KALRN: variants seen among roughly 807,000 people sequenced by gnomAD.
The protein encoded by KALRN is kalirin RhoGEF kinase, also known as kalirin.
A neutral mutation model predicts 353.7 loss-of-function variants in KALRN; 70 were observed. That is an observed-to-expected ratio of 0.20 (90% confidence interval 0.16 to 0.24). The LOEUF is 0.24. KALRN is among the 10% of genes least tolerant of loss of function. The pLI is 1.00. For missense variants in KALRN, 2,791 were observed against 3,756.7 expected (o/e 0.74, Z 6.72); for synonymous variants, 1,391 against 1,434.8 (o/e 0.97, Z 0.69).
At chr3:124,342,989 C>T (rs2081926425) in intron 9 of KALRN, among the ~76,000 whole-genome samples, 1 of 152,174 alleles carries the variant, frequency 6.6e-6, no homozygotes, top group Admixed American at 6.5e-5. Flanking sequence ...CTCCATCTCC[C>T]CCATAGCCAA....
Position 124,637,299 on chromosome 3 carries a change from A to C in KALRN, c.5660A>C (p.Lys1887Thr). The C allele has an allele frequency of 6.2e-7, 1 of 1,613,454 alleles. No individual in the cohort carries two copies. ...VNAIEKLVKNKLSLEGSSYRG... is the reference protein window; with the variant it reads ...VNAIEKLVKNTLSLEGSSYRG... The stretch of plus-strand genomic sequence containing the variant: ...GCAATAGAAAAGTTGGTCAAAAACA[A>C]GCTGGTAAGTGGGGGTCCTGGAGGC... The change falls in exon 37 of 60, where the codon AAG becomes ACG. Residue 1887 changes from lysine to threonine, a missense_variant. Transcript: ENST00000682506.
chr3:124,568,148 T>TCAA (rs943996167), intron 34 of KALRN, among the ~76,000 whole-genome samples: 2 of 152,226 alleles, frequency 1.3e-5, no homozygotes, highest in Admixed American at 6.5e-5. Context: ...CTCCTGCAAC[T>TCAA]CAACAACAAC....
rs543647948 is a variant in KALRN at position 124,103,772 on chromosome 3, A to G, written c.73+69959A>G. ...GGAGTTGGAGACTAGCTTGGGCAACATGGTAAAACCCCATCTCTACTAAAA... is the reference window on the plus strand; with the variant it reads ...GGAGTTGGAGACTAGCTTGGGCAACGTGGTAAAACCCCATCTCTACTAAAA... On this transcript the variant is annotated intron_variant, in intron 1 of 59. Coordinates refer to ENST00000682506, the MANE Select transcript of KALRN (RefSeq NM_001388419.1). Among the ~76,000 whole-genome samples the G allele has an allele frequency of 2.6e-5, 4 of 152,260 alleles. No individual in the cohort carries two copies. In the East Asian group the frequency reaches 5.8e-4, roughly 22 times the overall value.
At chr3:124,307,088 G>C (rs2077773310) in intron 6 of KALRN, among the ~76,000 whole-genome samples, 1 of 152,068 alleles carries the variant, frequency 6.6e-6, no homozygotes, top group African/African-American at 2.4e-5. Context: ...GTAATTATGT[G>C]ACTATAAAAG....
intron 48 of KALRN, among the ~76,000 whole-genome samples, chr3:124,673,758 G>A (rs2086808313): frequency 6.6e-6 from 1 of 152,098 alleles, no homozygotes; most frequent in Non-Finnish European, 1.5e-5. Context: ...AAAAGGTCAT[G>A]GGCAGCATCT....
rs2063417509 is a variant in KALRN, at chr3:124,726,252, G to A, written c.*6782G>A. The A allele has an allele frequency of 6.6e-6, 1 of 152,076 alleles. No individual in the cohort carries two copies. Among genetic ancestry groups the A allele is most frequent in the African/African-American group, 2.4e-5 (1 of 41,390 alleles). The allele number at this position is 152,076 out of a possible 1,614,324, so 9.4% of individuals were successfully genotyped here. The stretch of plus-strand genomic sequence containing the variant: ...GTTACTGCTACAGTAAATGTTATAA[G>A]TTATGGATGAAACTTCAAAATGTAC... On this transcript the variant is annotated 3_prime_UTR_variant, in exon 60 of 60. Transcript: ENST00000682506.
intron 2 of KALRN, 131 bp downstream of exon 2, chr3:124,228,195 T>G: frequency 2.5e-6 from 2 of 787,232 alleles, no homozygotes; most frequent in South Asian, 1.5e-5. Context: ...GCAGCTGCTT[T>G]CTTTCTCCTG....
chr3:124,292,932 A>T (rs2076544957), intron 5 of KALRN, among the ~76,000 whole-genome samples: 2 of 152,222 alleles, frequency 1.3e-5, no homozygotes, highest in Non-Finnish European at 2.9e-5. Flanking sequence ...TTTATAGATA[A>T]GGAACTGAAT....
chr3:124,370,194 T>C (rs1231215924), intron 10 of KALRN, among the ~76,000 whole-genome samples: 1 of 152,168 alleles, frequency 6.6e-6, no homozygotes, highest in Non-Finnish European at 1.5e-5. Context: ...TCAATGTATG[T>C]TCTTAACTCA....
chr3:124,344,836 CTAAG>C (rs1436422821), intron 9 of KALRN, among the ~76,000 whole-genome samples: 2 of 152,084 alleles, frequency 1.3e-5, no homozygotes, highest in African/African-American at 2.4e-5. Context: ...TTAAGTAAAA[CTAAG>C]TGTCACTAAA....
At chr3:124,396,689 C>T (rs374314530) in intron 12 of KALRN, among the ~76,000 whole-genome samples, 64 of 152,354 alleles carry the variant, frequency 4.2e-4, no homozygotes, top group South Asian at 1.5e-3. Context: ...GCTAGGCCTA[C>T]GGAGATGCCA....
intron 1 of KALRN, among the ~76,000 whole-genome samples, chr3:124,227,633 G>A (rs1367479945): frequency 2.2e-5 from 3 of 138,886 alleles, no homozygotes; most frequent in Admixed American, 1.5e-4. Context: ...AAAGTCCCCC[G>A]GCTTCAAGTT....
intron 1 of KALRN, among the ~76,000 whole-genome samples, chr3:124,120,746 T>TATA (rs2063923970): frequency 5.8e-5 from 7 of 119,878 alleles, no homozygotes; most frequent in African/African-American, 2.8e-4. Flanking sequence ...ATATATATAT[T>TATA]TTCACATAAT....
At position 124,532,187 on chromosome 3, in the gene KALRN, A is replaced by G. The variant is rs191406163; in HGVS notation, c.4936-30656A>G. ...TCCCCAATAGCAGAGTCACTGACCAATGTTGCAAAGCATGTTTTACATAAG... is the reference window on the plus strand; with the variant it reads ...TCCCCAATAGCAGAGTCACTGACCAGTGTTGCAAAGCATGTTTTACATAAG... On this transcript the variant is annotated intron_variant, in intron 33 of 59. Coordinates refer to ENST00000682506, the MANE Select transcript of KALRN (RefSeq NM_001388419.1). Among the ~76,000 whole-genome samples, 188 of 152,342 alleles carry G rather than the reference A, an allele frequency of 1.2e-3. 1 individual carries two copies. Among genetic ancestry groups the G allele is most frequent in the African/African-American group, 3.8e-3 (157 of 41,582 alleles).
At chr3:124,077,678 G>T (rs951495652) in intron 1 of KALRN, among the ~76,000 whole-genome samples, 6 of 152,142 alleles carry the variant, frequency 3.9e-5, no homozygotes, top group African/African-American at 1.4e-4. Context: ...ATTGCAATAG[G>T]CTTCAAACCT....
chr3:124,165,020 A>G (rs958322599), intron 1 of KALRN, among the ~76,000 whole-genome samples: 2 of 152,176 alleles, frequency 1.3e-5, no homozygotes, highest in Admixed American at 6.5e-5. Context: ...ATCAGCTCTC[A>G]TTGCTGAAGG....
At chr3:124,532,293 T>C (rs997672415) in intron 33 of KALRN, among the ~76,000 whole-genome samples, 1 of 152,240 alleles carries the variant, frequency 6.6e-6, no homozygotes, top group Non-Finnish European at 1.5e-5. Flanking sequence ...AGAAATCACA[T>C]AGTTACTCCA....
chr3:124,657,350 C>T, intron 39 of KALRN, 98 bp from the exon 40 acceptor site: 1 of 787,564 alleles, frequency 1.3e-6, no homozygotes, highest in Non-Finnish European at 2.2e-6. Context: ...CAAACTCACG[C>T]AGAGAGTGTG....
At chr3:124,633,241 G>C (rs2149838727) in intron 35 of KALRN, among the ~76,000 whole-genome samples, 1 of 152,324 alleles carries the variant, frequency 6.6e-6, no homozygotes, top group Non-Finnish European at 1.5e-5. Flanking sequence ...GATTAAATGG[G>C]CCTTCATGAA....
Sources: gnomAD v4.1 joint callset for allele counts (sites outside exome capture counted in the v4.1 genomes callset) on GRCh38, gnomAD v4.1.1 for gene constraint, MANE v1.5 for transcripts, NCBI Gene and HGNC (gene_info 2026-07-23, HGNC 2026-07-21) for gene names.